The following PRKCB variants were observed in gnomAD, a reference collection of about 807,000 sequenced individuals.
The protein encoded by PRKCB is protein kinase C beta type.
A neutral mutation model predicts 81.5 loss-of-function variants in PRKCB; 13 were observed. The ratio of observed to expected loss-of-function variants is 0.16; its 90% confidence interval spans 0.10 to 0.25. The LOEUF (loss-of-function observed/expected upper bound fraction) is 0.25, where lower values mean the gene tolerates loss of function less well. Among genes scored for constraint, PRKCB ranks in the 10% least tolerant of loss-of-function variants. The pLI, the probability that PRKCB is intolerant of heterozygous loss-of-function variation, is 1.00. For synonymous variants in PRKCB, 335 were observed against 321.4 expected (o/e 1.04, Z -0.45); for missense variants, 509 against 875.7 (o/e 0.58, Z 5.29).
intron 9 of PRKCB, among the ~76,000 whole-genome samples, chr16:24,150,742 A>G (rs368108589): frequency 2.0e-5 from 3 of 152,242 alleles, no homozygotes; most frequent in East Asian, 3.8e-4. Flanking sequence ...GACTACGGCC[A>G]CACTCATTCT....
chr16:23,875,650 T>C lies in PRKCB; in HGVS notation c.205+38244T>C, dbSNP rs112465503. ...TATGTATATCACACATATATGTATG[T>C]ATATCACACATATATATGTATGTAT... is the stretch of plus-strand genomic sequence containing the variant. On this transcript the variant is annotated intron_variant, in intron 2 of 16. Coordinates refer to ENST00000643927, the MANE Select transcript of PRKCB (RefSeq NM_002738.7). 2.2e-3 allele frequency among the ~76,000 whole-genome samples: 274 copies of C among 125,886 alleles called. 2 individuals carry two copies. The highest frequency in any genetic ancestry group is 7.8e-3 in the African/African-American group (259 of 33,242). The allele number at this position is 125,886 out of a possible 152,430, so 82.6% of individuals were successfully genotyped here.
chr16:24,094,745 C>T (rs1966417827), intron 7 of PRKCB, among the ~76,000 whole-genome samples: 1 of 149,652 alleles, frequency 6.7e-6, no homozygotes, highest in South Asian at 2.1e-4. Context: ...CACTGCACTC[C>T]AGCCTGGGTG....
chr16:23,962,744 TTTC>T (rs938728670), intron 2 of PRKCB, among the ~76,000 whole-genome samples: 145 of 151,654 alleles, frequency 9.6e-4, no homozygotes, highest in African/African-American at 3.4e-3. Flanking sequence ...TTGTTTTTTT[TTTC>T]TTTTATTTTA....
At chr16:23,922,208 G>C (rs903442323) in intron 2 of PRKCB, among the ~76,000 whole-genome samples, 5 of 152,216 alleles carry the variant, frequency 3.3e-5, no homozygotes, top group Non-Finnish European at 5.9e-5. Flanking sequence ...ACAGAAATTA[G>C]GCAGGAGACC....
At chr16:24,177,950 T>A (rs1240825566) in intron 12 of PRKCB, among the ~76,000 whole-genome samples, 2 of 151,988 alleles carry the variant, frequency 1.3e-5, no homozygotes, top group Non-Finnish European at 2.9e-5. Flanking sequence ...GGAAATAGAG[T>A]TCTTGAAATT....
chr16:23,956,398 A>G (rs1964350233), intron 2 of PRKCB, among the ~76,000 whole-genome samples: 2 of 152,138 alleles, frequency 1.3e-5, no homozygotes, highest in African/African-American at 4.8e-5. Flanking sequence ...AAATGGCTGC[A>G]GAGTGTTTCA....
chr16:24,077,908 C>G (rs1322019485), intron 5 of PRKCB, among the ~76,000 whole-genome samples: 1 of 152,134 alleles, frequency 6.6e-6, no homozygotes, highest in Non-Finnish European at 1.5e-5. Context: ...AAGCAGGGAG[C>G]CTATTGAAGA....
rs925748192 is a variant in PRKCB at position 24,010,209 on chromosome 16, T to C, written c.288+21619T>C. ...ACCACAGGCATGTCCCATTGGCCCATTGAACACCCTATCTGAAAGGGGCAG... is the reference window on the plus strand; with the variant it reads ...ACCACAGGCATGTCCCATTGGCCCACTGAACACCCTATCTGAAAGGGGCAG... On this transcript the variant is annotated intron_variant, in intron 3 of 16. Transcript: ENST00000643927. 1.4e-4 allele frequency among the ~76,000 whole-genome samples: 21 copies of C among 152,270 alleles called. 2 individuals carry two copies. The highest frequency in any genetic ancestry group is 8.3e-4 in the South Asian group (4 of 4,816).
chr16:23,948,466 C>T (rs2434325), intron 2 of PRKCB, among the ~76,000 whole-genome samples: 14 of 152,074 alleles, frequency 9.2e-5, no homozygotes, highest in Admixed American at 2.0e-4. Context: ...TGCAGTGGTG[C>T]GATCTTGGCT....
At chr16:24,154,066 A>T (rs185519696) in intron 9 of PRKCB, among the ~76,000 whole-genome samples, 1 of 152,380 alleles carries the variant, frequency 6.6e-6, no homozygotes, top group Non-Finnish European at 1.5e-5. Flanking sequence ...AACAGCAAAG[A>T]TACTTGCCCT....
At chr16:23,855,433 A>G (rs1962548627) in intron 2 of PRKCB, among the ~76,000 whole-genome samples, 1 of 152,358 alleles carries the variant, frequency 6.6e-6, no homozygotes, top group Admixed American at 6.5e-5. Context: ...GCAAACAACA[A>G]CAAAAACCAC....
At chr16:24,028,399 T>C (rs1268922054) in intron 3 of PRKCB, among the ~76,000 whole-genome samples, 4 of 152,234 alleles carry the variant, frequency 2.6e-5, no homozygotes, top group South Asian at 2.1e-4. Context: ...ACAAATTCAC[T>C]TTTAAAAATA....
At position 24,215,103 on chromosome 16, in the gene PRKCB, A is replaced by C; in HGVS notation, c.*287A>C. ...TGTCAGCTAAGTAGACCCAATGGGG[A>C]GAGAAAATGCCTGCTTTCTTTCCCT... On this transcript the variant is annotated 3_prime_UTR_variant, in exon 17 of 17. Coordinates refer to ENST00000643927, the MANE Select transcript of PRKCB (RefSeq NM_002738.7). 1 of 1,122,538 alleles carries C rather than the reference A, an allele frequency of 8.9e-7. No homozygotes were observed. Among genetic ancestry groups the C allele is most frequent in the Non-Finnish European group, 1.1e-6 (1 of 913,630 alleles). 69.5% of individuals were successfully genotyped at this position (1,122,538 alleles called of 1,614,324 possible). A position where few individuals can be genotyped will look rare whatever the true frequency, so the allele number is the denominator to read the frequency against.
intron 2 of PRKCB, among the ~76,000 whole-genome samples, chr16:23,918,616 C>G (rs973007465): frequency 6.6e-6 from 1 of 151,944 alleles, no homozygotes; most frequent in Non-Finnish European, 1.5e-5. Flanking sequence ...AGGCTGGTCT[C>G]GAACTCCTGG....
rs552388617 is a variant in PRKCB, at chr16:24,168,281, AC to A, written c.1240-3988del. The stretch of plus-strand genomic sequence containing the variant: ...AGTGTTGCAGTTAGTAAGTAGTGCA[AC>A]AAGACTTCAAATACTGTATTGACTT... On this transcript the variant is annotated intron_variant, in intron 10 of 16. Transcript: ENST00000643927. Among the ~76,000 whole-genome samples the A allele has an allele frequency of 9.8e-5, 15 of 152,300 alleles. No individual in the cohort carries two copies. The South Asian group carries it at 2.9e-3, about 30-fold the overall frequency.
intron 16 of PRKCB, 37 bp from the exon 17 acceptor site, chr16:24,214,621 C>A (rs2141995755): frequency 6.4e-7 from 1 of 1,551,302 alleles, no homozygotes. Context: ...TGTTTTTTTT[C>A]CCACCCACCA....
intron 2 of PRKCB, among the ~76,000 whole-genome samples, chr16:23,926,351 G>A (rs577150366): frequency 6.6e-6 from 1 of 151,798 alleles, no homozygotes; most frequent in African/African-American, 2.4e-5. Context: ...GGGCATGATG[G>A]CGGGTGCCTG....
rs1191072498 is a variant in PRKCB at position 24,217,469 on chromosome 16, A to G, written c.*2653A>G. Reference sequence around the variant, plus strand: ...TAATAACCCTCCTTGGATGAGTGCTACTGTTTTCACATGGCTTCAGATGCT... The same window carrying G: ...TAATAACCCTCCTTGGATGAGTGCTGCTGTTTTCACATGGCTTCAGATGCT... On this transcript the variant is annotated 3_prime_UTR_variant, in exon 17 of 17. Transcript: ENST00000643927. 1.0e-6 allele frequency: 1 copy of G among 985,324 alleles called. No homozygotes were observed. The highest frequency in any genetic ancestry group is 1.1e-4 in the East Asian group (1 of 8,826). The allele number at this position is 985,324 out of a possible 1,614,324, so 61.0% of individuals were successfully genotyped here.
intron 5 of PRKCB, among the ~76,000 whole-genome samples, chr16:24,051,335 G>T (rs1965839724): frequency 6.6e-6 from 1 of 152,166 alleles, no homozygotes; most frequent in Admixed American, 6.5e-5. Flanking sequence ...GGGTGTAGAG[G>T]CTGTCTCTCT....
Sources: allele counts gnomAD v4.1 joint callset (sites outside exome capture counted in the v4.1 genomes callset), GRCh38; gene constraint gnomAD v4.1.1; transcripts MANE v1.5; gene names NCBI Gene and HGNC (gene_info 2026-07-23, HGNC 2026-07-21).